ADAMTSL1: variants seen among roughly 807,000 people sequenced by gnomAD.
The protein encoded by ADAMTSL1 is ADAMTS like 1.
A neutral mutation model predicts 201.8 loss-of-function variants in ADAMTSL1; 126 were observed. The ratio of observed to expected loss-of-function variants is 0.62; its 90% confidence interval spans 0.54 to 0.72. The LOEUF (loss-of-function observed/expected upper bound fraction) is 0.72. Ranked by LOEUF, ADAMTSL1 falls within the 30% of genes least tolerant of loss-of-function variation. ADAMTSL1 has a pLI of 0.00. For missense variants in ADAMTSL1, 2,679 were observed against 2,277.8 expected (o/e 1.18, Z -3.59); for synonymous variants, 1,121 against 903.4 (o/e 1.24, Z -4.32).
At position 18,231,617 on chromosome 9, in the gene ADAMTSL1, C is replaced by T. The variant is rs373329442; in HGVS notation, c.207+67636C>T. 3.9e-5 allele frequency among the ~76,000 whole-genome samples: 6 copies of T among 152,316 alleles called. No homozygotes were observed. In the East Asian group the frequency reaches 9.7e-4, roughly 25 times the overall value. On this transcript the variant is annotated intron_variant, in intron 2 of 29. Coordinates refer to the ADAMTSL1 transcript ENST00000680146. ...GTCTCATGGCTATATGTGATCAGCACACTGAAACTTCTAAAATTTAACTCT... is the reference window on the plus strand; with the variant it reads ...GTCTCATGGCTATATGTGATCAGCATACTGAAACTTCTAAAATTTAACTCT...
chr9:18,710,921 C>T (rs1157717515), intron 14 of ADAMTSL1, among the ~76,000 whole-genome samples: 1 of 152,092 alleles, frequency 6.6e-6, no homozygotes, highest in Non-Finnish European at 1.5e-5. Context: ...TTACTTCCCA[C>T]ATTCACACCC....
At position 18,710,815 on chromosome 9, in the gene ADAMTSL1, C is replaced by T. The variant is rs186496205; in HGVS notation, c.1876+3767C>T. Among the ~76,000 whole-genome samples the T allele has an allele frequency of 2.6e-5, 4 of 151,958 alleles. No homozygotes were observed. In the East Asian group the frequency reaches 7.7e-4, roughly 29 times the overall value. ...GTTGGATGGACACAATCTTTACATCCAAACGTTAATGCATACAAAGCAACA... is the reference window on the plus strand; with the variant it reads ...GTTGGATGGACACAATCTTTACATCTAAACGTTAATGCATACAAAGCAACA... On this transcript the variant is annotated intron_variant, in intron 14 of 28. Transcript: ENST00000380548.
intron 2 of ADAMTSL1, among the ~76,000 whole-genome samples, chr9:18,200,271 T>TAA (rs555786282): frequency 6.8e-6 from 1 of 147,708 alleles, no homozygotes; most frequent in Admixed American, 6.8e-5. Flanking sequence ...CTATCTCTAT[T>TAA]AAAAAAAAAA....
chr9:18,742,167 T>G (rs1818869612), intron 15 of ADAMTSL1, among the ~76,000 whole-genome samples: 1 of 152,192 alleles, frequency 6.6e-6, no homozygotes, highest in South Asian at 2.1e-4. Flanking sequence ...ATAAAGGCCC[T>G]ATTTCTAAAT....
chr9:18,411,462 G>T (rs1342275301), intron 2 of ADAMTSL1, among the ~76,000 whole-genome samples: 1 of 152,126 alleles, frequency 6.6e-6, no homozygotes, highest in Non-Finnish European at 1.5e-5. Context: ...GCTTCCCAAA[G>T]TGCTAGGATT....
At chr9:18,143,263 C>G (rs947631700) in intron 1 of ADAMTSL1, among the ~76,000 whole-genome samples, 1 of 152,160 alleles carries the variant, frequency 6.6e-6, no homozygotes, top group African/African-American at 2.4e-5. Context: ...CCCCATGGAG[C>G]CTCTGGACCA....
chr9:18,908,381 A>G (rs1476205931), intron 28 of ADAMTSL1, 61 bp from the exon 29 acceptor site: 1 of 1,411,494 alleles, frequency 7.1e-7, no homozygotes, highest in African/African-American at 1.4e-5. Context: ...GGCTGCGTTC[A>G]TTAGTCTCTG....
At chr9:18,328,397 A>C (rs1036095456) in intron 2 of ADAMTSL1, among the ~76,000 whole-genome samples, 2 of 152,196 alleles carry the variant, frequency 1.3e-5, no homozygotes, top group Non-Finnish European at 2.9e-5. Context: ...GTGACGTAAC[A>C]CCAACCAGCA....
chr9:18,479,973 G>A (rs148333201), intron 1 of ADAMTSL1, among the ~76,000 whole-genome samples: 285 of 152,262 alleles, frequency 1.9e-3, no homozygotes, highest in Middle Eastern at 6.8e-3. Context: ...TTAAATATAC[G>A]TAGCCACACA....
At chr9:18,700,767 T>C (rs1447123803) in intron 13 of ADAMTSL1, among the ~76,000 whole-genome samples, 4 of 152,188 alleles carry the variant, frequency 2.6e-5, no homozygotes. Flanking sequence ...ACATATTTTC[T>C]TTTTCCAATA....
rs575549168 is a variant in ADAMTSL1 at position 18,789,120 on chromosome 9, C to T, written c.3678-6277C>T. Among the ~76,000 whole-genome samples the T allele has an allele frequency of 7.2e-5, 11 of 152,302 alleles. No individual in the cohort carries two copies. In the South Asian group the frequency reaches 2.3e-3, roughly 32 times the overall value. On this transcript the variant is annotated intron_variant, in intron 19 of 28. Coordinates refer to ENST00000380548, the MANE Select transcript of ADAMTSL1 (RefSeq NM_001040272.6). ...TTTTCATTGAAATCTCTACATTTCT[C>T]ATTTCCCCATGTCTTCACGACATCT...
At chr9:18,252,157 G>A (rs1831488882) in intron 2 of ADAMTSL1, among the ~76,000 whole-genome samples, 1 of 152,058 alleles carries the variant, frequency 6.6e-6, no homozygotes. Context: ...GAGAAAAGTT[G>A]CAGTACATAG....
At chr9:18,181,694 G>A (rs897606679) in intron 2 of ADAMTSL1, among the ~76,000 whole-genome samples, 4 of 152,024 alleles carry the variant, frequency 2.6e-5, no homozygotes, top group African/African-American at 9.7e-5. Context: ...TGGTGGGACT[G>A]TAAACTAGTT....
intron 2 of ADAMTSL1, among the ~76,000 whole-genome samples, chr9:18,257,585 T>C (rs541858393): frequency 1.3e-5 from 2 of 152,168 alleles, no homozygotes. Context: ...CTGTTGGGAG[T>C]GTAAAATAGT....
intron 1 of ADAMTSL1, among the ~76,000 whole-genome samples, chr9:18,136,211 A>C (rs1564020304): frequency 6.6e-6 from 1 of 152,180 alleles, no homozygotes; most frequent in Non-Finnish European, 1.5e-5. Context: ...ATTAAAAAAT[A>C]AATATTTCCA....
intron 2 of ADAMTSL1, among the ~76,000 whole-genome samples, chr9:18,243,186 G>C (rs2132457295): frequency 6.6e-6 from 1 of 152,194 alleles, no homozygotes; most frequent in South Asian, 2.1e-4. Context: ...ATACTTATAT[G>C]GTCAACTAAT....
intron 2 of ADAMTSL1, among the ~76,000 whole-genome samples, chr9:18,525,975 C>T (rs1819017410): frequency 1.3e-5 from 2 of 152,162 alleles, no homozygotes; most frequent in South Asian, 2.1e-4. Context: ...TGGTACAGAG[C>T]TGAGTTCAAT....
At chr9:18,444,753 T>A (rs951389059) in intron 2 of ADAMTSL1, among the ~76,000 whole-genome samples, 1 of 152,148 alleles carries the variant, frequency 6.6e-6, no homozygotes, top group Non-Finnish European at 1.5e-5. Flanking sequence ...CAGGAGGGTA[T>A]GGCAACATCC....
At chr9:18,651,845 C>A (rs1268124342) in intron 7 of ADAMTSL1, among the ~76,000 whole-genome samples, 1 of 151,700 alleles carries the variant, frequency 6.6e-6, no homozygotes, top group Non-Finnish European at 1.5e-5. Flanking sequence ...TAAGAGGTAA[C>A]AATACAAGGA....
Sources: allele counts gnomAD v4.1 joint callset (sites outside exome capture counted in the v4.1 genomes callset), GRCh38; gene constraint gnomAD v4.1.1; transcripts MANE v1.5; gene names NCBI Gene and HGNC (gene_info 2026-07-23, HGNC 2026-07-21).